Variants in LTK observed in about 807,000 individuals in gnomAD.
The protein encoded by LTK is leukocyte receptor tyrosine kinase.
A neutral mutation model predicts 101.5 loss-of-function variants in LTK; 117 were observed. The ratio of observed to expected loss-of-function variants is 1.15; its 90% CI spans 0.99 to 1.34. LTK has a LOEUF of 1.34. Among genes scored for constraint, LTK ranks in the 40% most tolerant of loss-of-function variants. LTK has a pLI of 0.00. For missense variants in LTK, 1,252 were observed against 1,164.7 expected (o/e 1.07, Z -1.09); for synonymous variants, 563 against 494.2 (o/e 1.14, Z -1.85).
Position 41,505,077 on chromosome 15 carries a change from C to CA in LTK, c.1926-14dup, listed in dbSNP as rs541698027. On this transcript the variant is annotated splice_polypyrimidine_tract_variant and intron_variant, in intron 15 of 19. Transcript: ENST00000263800. ...GGCGGCAATATCCCTACAGAGTAGG[C>CA]AAAAAAAATCACTGCCAGAATCTAG... is the stretch of plus-strand genomic sequence containing the variant. 6,353 of 1,595,734 alleles carry CA rather than the reference C, an allele frequency of 4.0e-3. 19 individuals carry two copies. The highest frequency in any genetic ancestry group is 4.2e-3 in the Non-Finnish European group (4,966 of 1,169,430).
intron 9 of LTK, 41 bp from the exon 10 acceptor site, chr15:41,507,698 C>G: frequency 6.3e-7 from 1 of 1,580,454 alleles, no homozygotes; most frequent in Non-Finnish European, 8.6e-7. Flanking sequence ...AAGGTCTTCT[C>G]TGTTCCTTTA....
Position 41,504,567 on chromosome 15 carries a change from C to A in LTK, c.2194G>T (p.Val732Leu). The stretch of plus-strand genomic sequence containing the variant: ...CCTCCTCCAACGACGAAGTCCAGCA[C>A]CTCCTGGTTGGTGCGCCCAGGATAG... ...MPYPGRTNQEVLDFVVGGGRM... is the reference protein window; with the variant it reads ...MPYPGRTNQELLDFVVGGGRM... Residue 732 changes from valine to leucine, a missense_variant, in exon 18 of 20, where the codon GTG becomes TTG. Transcript: ENST00000263800. 2 of 1,613,934 alleles carry A rather than the reference C, an allele frequency of 1.2e-6. No individual in the cohort carries two copies. Among genetic ancestry groups the A allele is most frequent in the Admixed American group, 3.3e-5 (2 of 60,022 alleles).
chr15:41,504,616 C>A lies in LTK; in HGVS notation c.2145G>T (p.Glu715Asp), dbSNP rs887754576. 25 of 1,613,316 alleles carry A rather than the reference C, an allele frequency of 1.5e-5. No individual in the cohort carries two copies. Among genetic ancestry groups the A allele is most frequent in the African/African-American group, 2.7e-5 (2 of 74,936 alleles). The change falls in exon 18 of 20, where the codon GAG becomes GAT. Residue 715 changes from glutamate to aspartate, a missense_variant. Coordinates refer to ENST00000263800, the MANE Select transcript of LTK (RefSeq NM_002344.6). ...AGGGCATGTAGCCCAGTGAGAAGAT[C>A]TCCCAGAGCAGCACCCCAAAAGACC... ...DSWSFGVLLW[E>D]IFSLGYMPYP... is the part of the protein sequence containing the mutation.
In LTK at chr15:41,503,706, CATA is replaced by C. The variant is rs1421066801; in HGVS notation, c.*287_*289del. 1.6e-6 allele frequency: 1 copy of C among 644,560 alleles called. No homozygotes were observed. Among genetic ancestry groups the C allele is most frequent in the East Asian group, 3.3e-5 (1 of 30,720 alleles). The allele number at this position is 644,560 out of a possible 1,614,324, so 39.9% of individuals were successfully genotyped here. A position where few individuals can be genotyped will look rare whatever the true frequency, so the allele number is the denominator to read the frequency against. ...GGGGTCTGCCCAGATGAAGGATGCT[CATA>C]ATGGGAGAGCAATCCAGTGCTCCCC... On this transcript the variant is annotated 3_prime_UTR_variant, in exon 20 of 20. Coordinates refer to ENST00000263800, the MANE Select transcript of LTK (RefSeq NM_002344.6).
rs752055318 is a variant in LTK at position 41,511,560 on chromosome 15, C to T, written c.676G>A (p.Glu226Lys). The change falls in exon 6 of 20, where the codon GAA becomes AAA. Residue 226 changes from glutamate (E) to lysine (K), a missense_variant. Glu to Lys is a moderately conservative substitution (Grantham distance 56). Coordinates refer to ENST00000263800, the MANE Select transcript of LTK (RefSeq NM_002344.6). This position sits in a 1 kb window ranked among gnomAD's most constrained non-coding sequence, Gnocchi z 5.9. Reference protein sequence around the residue: ...YVFRVRAGELEPLLVAAGGGG... With the variant: ...YVFRVRAGELKPLLVAAGGGG... ...CCTCCGGCCGCCACCAGCAACGGTT[C>T]CAGCTCGCCAGCGCGCACCTGTGGG... The T allele has an allele frequency of 6.2e-6, 9 of 1,448,946 alleles. No individual in the cohort carries two copies. In the African/African-American group the frequency reaches 1.3e-4, roughly 22 times the overall value. 89.8% of individuals were successfully genotyped at this position (1,448,946 alleles called of 1,614,324 possible).
intron 7 of LTK, 111 bp from the exon 8 acceptor site, chr15:41,509,240 T>A: frequency 1.4e-6 from 1 of 735,204 alleles, no homozygotes; most frequent in Non-Finnish European, 2.5e-6. Flanking sequence ...AGCATCATGA[T>A]GCAAATGCTG....
At position 41,505,280 on chromosome 15, in the gene LTK, C is replaced by G. The variant is rs139262290; in HGVS notation, c.1853G>C (p.Arg618Pro). The change falls in exon 15 of 20, where the codon CGG becomes CCG. Residue 618 changes from arginine to proline, a missense_variant. Physicochemically the swap from Arg to Pro is moderately radical, Grantham distance 103 (BLOSUM62 -2). Coordinates refer to ENST00000263800, the MANE Select transcript of LTK (RefSeq NM_002344.6). ...GTCCTGGGCCAGTTGCAGCAGGTCC[C>G]GCATGACCAGAGGTGATGGCTGGCC... ...HLGQPSPLVM[R>P]DLLQLAQDIA... 3.7e-6 allele frequency: 6 copies of G among 1,613,936 alleles called. No individual in the cohort carries two copies. Among genetic ancestry groups the G allele is most frequent in the Non-Finnish European group, 5.1e-6 (6 of 1,179,984 alleles).
At chr15:41,512,056 C>G (rs889903039) in intron 4 of LTK, 59 bp downstream of exon 4, 35 of 1,510,294 alleles carry the variant, frequency 2.3e-5, no homozygotes, top group Non-Finnish European at 3.1e-5. Context: ...CTCCCCCGGC[C>G]CCCAGGCAGC....
rs993070114 is a variant in LTK at position 41,505,428 on chromosome 15, A to G, written c.1800T>C (p.Ser600=). ...GGTGTGGCCGACTGTGCCTCAGGAA[A>G]CTCTTCATGTCCCCTCCAGACATCA... is the stretch of plus-strand genomic sequence containing the variant. ...LELMSGGDMK[S]FLRHSRPHLG... The change falls in exon 14 of 20, where the codon AGT becomes AGC. Residue 600 remains serine (S), a synonymous_variant. Transcript: ENST00000263800. The G allele has an allele frequency of 4.3e-6, 7 of 1,613,598 alleles. No individual in the cohort carries two copies. The highest frequency in any genetic ancestry group is 2.2e-5 in the East Asian group (1 of 44,846).
Position 41,505,258 on chromosome 15 carries a change from C to T in LTK, c.1875G>A (p.Gln625=). Reference sequence around the variant, plus strand: ...GGTAGTGGCAGCCCTGGGCTATGTCCTGGGCCAGTTGCAGCAGGTCCCGCA... The same window carrying T: ...GGTAGTGGCAGCCCTGGGCTATGTCTTGGGCCAGTTGCAGCAGGTCCCGCA... ...LVMRDLLQLA[Q]DIAQGCHYLE... Residue 625 remains glutamine, a synonymous_variant, in exon 15 of 20, where the codon CAG becomes CAA. Coordinates refer to ENST00000263800, the MANE Select transcript of LTK (RefSeq NM_002344.6). 6.2e-7 allele frequency: 1 copy of T among 1,614,050 alleles called. No individual in the cohort carries two copies. Among genetic ancestry groups the T allele is most frequent in the Non-Finnish European group, 8.5e-7 (1 of 1,180,010 alleles).
intron 7 of LTK, 68 bp from the exon 8 acceptor site, chr15:41,509,197 C>T (rs572661941): frequency 2.1e-5 from 20 of 943,792 alleles, no homozygotes; most frequent in East Asian, 1.4e-4. Flanking sequence ...TGGAATCTCC[C>T]GGTGGAAATC....
intron 9 of LTK, 36 bp from the exon 10 acceptor site, chr15:41,507,693 C>A: frequency 1.3e-6 from 2 of 1,586,352 alleles, no homozygotes; most frequent in Non-Finnish European, 1.7e-6. Flanking sequence ...GTGGGAAGGT[C>A]TTCTCTGTTC....
intron 11 of LTK, among the ~76,000 whole-genome samples, chr15:41,506,584 C>T (rs1336258251): frequency 1.3e-5 from 2 of 149,870 alleles, no homozygotes; most frequent in Non-Finnish European, 3.0e-5. Context: ...AGATTACAGG[C>T]GCCAGATCAT....
chr15:41,513,739 C>T lies in LTK; in HGVS notation c.-30G>A, dbSNP rs139430007. 2.2e-5 allele frequency: 35 copies of T among 1,609,128 alleles called. No individual in the cohort carries two copies. The highest frequency in any genetic ancestry group is 1.7e-4 in the Middle Eastern group (1 of 6,052). On this transcript the variant is annotated 5_prime_UTR_variant, in exon 1 of 20. Coordinates refer to ENST00000263800, the MANE Select transcript of LTK (RefSeq NM_002344.6). The stretch of plus-strand genomic sequence containing the variant: ...GTTGGGTCCACCCGGCAACAAAAGC[C>T]CTTGCGGTCGCGGCCACACCCCTGT...
chr15:41,505,826 A>G (rs1421012855), intron 12 of LTK, 49 bp from the exon 13 acceptor site: 2 of 1,606,484 alleles, frequency 1.2e-6, no homozygotes, highest in East Asian at 2.2e-5. Flanking sequence ...ACGCTTCAGG[A>G]GAGGGGGTTA....
Position 41,511,956 on chromosome 15 carries a change from G to T in LTK, c.518C>A (p.Pro173Gln). The change falls in exon 5 of 20, where the codon CCG becomes CAG. Residue 173 changes from proline (P) to glutamine (Q), a missense_variant. Transcript: ENST00000263800. The surrounding 1 kb of genome is among the most constrained non-coding windows in gnomAD (Gnocchi z 5.9). The stretch of plus-strand genomic sequence containing the variant: ...CCCGAGGCAGACGAGCTGGCTCTCC[G>T]GGCTACCCTGCGGGCAGCGGGGGAG... The part of the protein sequence containing the change: ...QGEDACPGGS[P>Q]ESQLVCLGES... 2.0e-6 allele frequency: 3 copies of T among 1,479,762 alleles called. No individual in the cohort carries two copies. Among genetic ancestry groups the T allele is most frequent in the Admixed American group, 2.7e-5 (1 of 37,008 alleles). The allele number at this position is 1,479,762 out of a possible 1,614,324, so 91.7% of individuals were successfully genotyped here.
At chr15:41,512,645 C>T in intron 3 of LTK, 62 bp downstream of exon 3, 1 of 1,468,376 alleles carries the variant, frequency 6.8e-7, no homozygotes, top group Non-Finnish European at 9.0e-7. Context: ...GACTTCGTTA[C>T]CCTGAGGGTG....
chr15:41,513,794 C>T lies in LTK; in HGVS notation c.-85G>A, dbSNP rs987186395. On this transcript the variant is annotated 5_prime_UTR_variant, in exon 1 of 20. The change creates a new upstream start codon in the 5' untranslated region. Coordinates refer to ENST00000263800, the MANE Select transcript of LTK (RefSeq NM_002344.6). ...CTAAAGTTGACAGCTCATTTTGCCA[C>T]GGCAGCCCTGGCCACCACTTACAGG... 4.8e-6 allele frequency: 6 copies of T among 1,241,464 alleles called. No homozygotes were observed. The highest frequency in any genetic ancestry group is 2.4e-5 in the South Asian group (2 of 83,226). The allele number at this position is 1,241,464 out of a possible 1,614,324, so 76.9% of individuals were successfully genotyped here.
intron 11 of LTK, 32 bp from the exon 12 acceptor site, chr15:41,506,037 A>AG: frequency 6.6e-7 from 1 of 1,509,786 alleles, no homozygotes; most frequent in Non-Finnish European, 9.2e-7. Context: ...GGGAGTGGGC[A>AG]GGCGGCCTGG....
Sources: allele counts gnomAD v4.1 joint callset (sites outside exome capture counted in the v4.1 genomes callset), GRCh38; gene constraint gnomAD v4.1.1; non-coding constraint Gnocchi (gnomAD v3.1); transcripts MANE v1.5; gene names NCBI Gene and HGNC (gene_info 2026-07-23, HGNC 2026-07-21).